Variants in CSNK1G3 observed in about 807,000 individuals in gnomAD.
CSNK1G3 encodes the protein casein kinase 1 gamma 3.
Under a neutral mutation model 64.3 loss-of-function variants are expected in CSNK1G3, and 23 were observed. The observed-to-expected ratio is 0.36, with a 90% CI of 0.26 to 0.51. The LOEUF (loss-of-function observed/expected upper bound fraction) is 0.51, where lower values mean the gene tolerates loss of function less well. Among genes scored for constraint, CSNK1G3 ranks in the 20% least tolerant of loss-of-function variants. The pLI, the probability that CSNK1G3 is intolerant of heterozygous loss-of-function variation, is 0.96. For missense variants in CSNK1G3, 357 were observed against 510.5 expected (o/e 0.70, Z 2.90); for synonymous variants, 158 against 162.2 (o/e 0.97, Z 0.20).
chr5:123,556,320 A>G (rs1303678019), intron 3 of CSNK1G3, among the ~76,000 whole-genome samples: 1 of 152,024 alleles, frequency 6.6e-6, no homozygotes, highest in East Asian at 1.9e-4. Flanking sequence ...TGGGTTGTTA[A>G]CCTCATCAAT....
chr5:123,527,893 T>A (rs966727636), intron 1 of CSNK1G3, among the ~76,000 whole-genome samples: 2 of 152,190 alleles, frequency 1.3e-5, no homozygotes, highest in Non-Finnish European at 2.9e-5. Flanking sequence ...CCGTGTTTTC[T>A]AACATATTCA....
chr5:123,532,202 CTACTA>C (rs1188174397), intron 1 of CSNK1G3, among the ~76,000 whole-genome samples: 5 of 151,812 alleles, frequency 3.3e-5, no homozygotes, highest in Non-Finnish European at 7.4e-5. Flanking sequence ...TTTTGCCTGA[CTACTA>C]TAAAGTGCAA....
chr5:123,519,637 T>G (rs1335853579), intron 1 of CSNK1G3, among the ~76,000 whole-genome samples: 1 of 152,222 alleles, frequency 6.6e-6, no homozygotes, highest in Non-Finnish European at 1.5e-5. Context: ...AATGGGAGTT[T>G]CTTGGTCAGA....
chr5:123,554,375 A>G (rs928591551), intron 3 of CSNK1G3, among the ~76,000 whole-genome samples: 2 of 152,142 alleles, frequency 1.3e-5, no homozygotes, highest in South Asian at 4.1e-4. Context: ...TCACACTATC[A>G]AGCTCTCAGA....
intron 4 of CSNK1G3, among the ~76,000 whole-genome samples, chr5:123,562,528 T>G (rs1339378933): frequency 6.6e-6 from 1 of 152,064 alleles, no homozygotes; most frequent in Admixed American, 6.6e-5. Context: ...ATCTTCAAAT[T>G]TCCTATATTT....
At chr5:123,592,702 A>G (rs1356775990) in intron 10 of CSNK1G3, among the ~76,000 whole-genome samples, 3 of 151,648 alleles carry the variant, frequency 2.0e-5, no homozygotes, top group Admixed American at 6.6e-5. Context: ...ATAGCAAAAT[A>G]AAATGCTACA....
At chr5:123,613,744 G>C (rs187067989) in intron 12 of CSNK1G3, among the ~76,000 whole-genome samples, 2 of 151,962 alleles carry the variant, frequency 1.3e-5, no homozygotes, top group Non-Finnish European at 2.9e-5. Flanking sequence ...CTTGTAAAAT[G>C]GAATCACCTC....
chr5:123,570,112 A>G (rs1178888676), intron 4 of CSNK1G3, among the ~76,000 whole-genome samples: 1 of 152,184 alleles, frequency 6.6e-6, no homozygotes, highest in Non-Finnish European at 1.5e-5. Flanking sequence ...ACCCAGTCCC[A>G]TAAAGATATA....
intron 1 of CSNK1G3, among the ~76,000 whole-genome samples, chr5:123,516,712 T>A (rs1296478483): frequency 2.6e-5 from 4 of 152,356 alleles, no homozygotes; most frequent in South Asian, 2.1e-4. Context: ...ATTGAAAATT[T>A]ATGAGTAAGT....
chr5:123,575,541 G>A (rs943723246), intron 5 of CSNK1G3, among the ~76,000 whole-genome samples, 188 bp from the exon 6 acceptor site: 21 of 152,144 alleles, frequency 1.4e-4, no homozygotes, highest in African/African-American at 5.1e-4. Context: ...TAACAGTAAA[G>A]GCAAAGATTT....
chr5:123,525,090 T>C (rs184429790), intron 1 of CSNK1G3, among the ~76,000 whole-genome samples: 2 of 152,358 alleles, frequency 1.3e-5, no homozygotes, highest in East Asian at 3.9e-4. Context: ...GTTCGTATCA[T>C]ATTTTCTGTT....
chr5:123,578,430 A>G (rs1052460682), intron 6 of CSNK1G3, among the ~76,000 whole-genome samples: 1 of 151,798 alleles, frequency 6.6e-6, no homozygotes, highest in African/African-American at 2.4e-5. Context: ...TTTATTGGCT[A>G]TTTGTATATC....
Position 123,526,458 on chromosome 5 carries a change from C to T in CSNK1G3, c.-248+13888C>T, listed in dbSNP as rs545031974. 3.1e-3 allele frequency among the ~76,000 whole-genome samples: 467 copies of T among 151,792 alleles called. 7 individuals are homozygous for T. Among genetic ancestry groups the T allele is most frequent in the African/African-American group, 0.011 (452 of 41,462 alleles). ...AATATTCTCTTTTTTTTTAGCATTT[C>T]AATTAGTTATGATTTTAAGATATTT... On this transcript the variant is annotated intron_variant, in intron 1 of 12. Coordinates refer to ENST00000345990, the Ensembl canonical transcript of CSNK1G3.
intron 10 of CSNK1G3, among the ~76,000 whole-genome samples, chr5:123,595,403 C>T (rs114736204): frequency 0.012 from 1,797 of 152,146 alleles, 43 homozygotes; most frequent in African/African-American, 0.04. Flanking sequence ...GAAAAACAAA[C>T]GGTATTATGC....
intron 3 of CSNK1G3, among the ~76,000 whole-genome samples, chr5:123,557,070 A>G (rs1784787057): frequency 6.6e-6 from 1 of 152,132 alleles, no homozygotes; most frequent in African/African-American, 2.4e-5. Context: ...CATTGTTGCT[A>G]CTATCAAAAT....
At chr5:123,605,097 G>T (rs181972364) in intron 11 of CSNK1G3, among the ~76,000 whole-genome samples, 5 of 152,002 alleles carry the variant, frequency 3.3e-5, no homozygotes. Context: ...TGAGTTTTAG[G>T]AGTGTTGATG....
intron 6 of CSNK1G3, 88 bp downstream of exon 6, chr5:123,576,051 C>T (rs1176861762): frequency 1.3e-6 from 1 of 760,246 alleles, no homozygotes; most frequent in Non-Finnish European, 2.1e-6. Context: ...TCAGTTTTTG[C>T]AGATTATAAT....
intron 1 of CSNK1G3, among the ~76,000 whole-genome samples, chr5:123,526,560 A>C (rs111615303): frequency 2.4e-3 from 370 of 152,292 alleles, no homozygotes; most frequent in African/African-American, 8.5e-3. Flanking sequence ...TCACCCCTTA[A>C]AATTCCCCTT....
At chr5:123,594,595 G>C (rs1366441706) in intron 10 of CSNK1G3, among the ~76,000 whole-genome samples, 1 of 152,084 alleles carries the variant, frequency 6.6e-6, no homozygotes, top group East Asian at 1.9e-4. Flanking sequence ...AGTTATTTAA[G>C]GGCCATCATT....
Sources: gnomAD v4.1 joint callset for allele counts (sites outside exome capture counted in the v4.1 genomes callset) on GRCh38, gnomAD v4.1.1 for gene constraint, MANE v1.5 for transcripts, NCBI Gene and HGNC (gene_info 2026-07-23, HGNC 2026-07-21) for gene names.